The following NME7 variants were observed in gnomAD, a reference collection of about 807,000 sequenced individuals.
NME7 encodes the protein nucleoside diphosphate kinase 7.
A neutral mutation model predicts 49.1 loss-of-function variants in NME7; 41 were observed. That is an observed-to-expected ratio of 0.83 (90% CI 0.65 to 1.08). NME7 has a LOEUF of 1.08. Among genes scored for constraint, NME7 ranks in the 50% least tolerant of loss-of-function variants. NME7 has a pLI of 0.00. For synonymous variants in NME7, 139 were observed against 150.6 expected (o/e 0.92, Z 0.56); for missense variants, 423 against 463.4 (o/e 0.91, Z 0.80).
intron 10 of NME7, among the ~76,000 whole-genome samples, chr1:169,211,125 G>A (rs1455712661): frequency 2.6e-5 from 4 of 151,776 alleles, no homozygotes; most frequent in Non-Finnish European, 5.9e-5. Flanking sequence ...TGTTTTGCTT[G>A]GAAGACTGTA....
chr1:169,285,149 T>G (rs1650221786), intron 7 of NME7: 2 of 152,168 alleles, frequency 1.3e-5, no homozygotes, highest in African/African-American at 4.8e-5. Context: ...TTTCAATTTT[T>G]TTTTTGATTT....
At chr1:169,358,660 A>G (rs1045997730) in intron 1 of NME7, among the ~76,000 whole-genome samples, 30 of 152,272 alleles carry the variant, frequency 2.0e-4, no homozygotes, top group African/African-American at 7.0e-4. Context: ...TTTCATCTAT[A>G]GAACATACAG....
intron 11 of NME7, among the ~76,000 whole-genome samples, chr1:169,162,276 C>T (rs1571254775): frequency 6.6e-6 from 1 of 152,196 alleles, no homozygotes; most frequent in Non-Finnish European, 1.5e-5. Flanking sequence ...CTGATTTTCT[C>T]TGTGCAGGGG....
At chr1:169,141,763 T>TA (rs901071864) in intron 11 of NME7, among the ~76,000 whole-genome samples, 19 of 151,850 alleles carry the variant, frequency 1.3e-4, no homozygotes, top group Non-Finnish European at 4.4e-5. Context: ...CCTTTTTTTT[T>TA]ATAAGGACAG....
At chr1:169,361,536 T>C (rs1339677226) in intron 1 of NME7, among the ~76,000 whole-genome samples, 2 of 152,140 alleles carry the variant, frequency 1.3e-5, no homozygotes, top group Non-Finnish European at 2.9e-5. Flanking sequence ...TCCCAGCAGT[T>C]TGGAAGGCCG....
At chr1:169,361,060 G>C (rs1457192231) in intron 1 of NME7, among the ~76,000 whole-genome samples, 1 of 151,894 alleles carries the variant, frequency 6.6e-6, no homozygotes, top group African/African-American at 2.4e-5. Flanking sequence ...ATGAGTTAGG[G>C]GCCACTGTGT....
intron 10 of NME7, among the ~76,000 whole-genome samples, chr1:169,184,375 T>C (rs1050540432): frequency 6.6e-6 from 1 of 152,248 alleles, no homozygotes; most frequent in Non-Finnish European, 1.5e-5. Context: ...TGTCATTTGA[T>C]AGTAACTGGA....
At chr1:169,210,474 C>T (rs1244412714) in intron 10 of NME7, among the ~76,000 whole-genome samples, 8 of 152,018 alleles carry the variant, frequency 5.3e-5, no homozygotes, top group Non-Finnish European at 1.0e-4. Flanking sequence ...GTGTTGGTGC[C>T]CCGTGGGGGT....
intron 1 of NME7, among the ~76,000 whole-genome samples, chr1:169,354,500 C>T (rs566887350): frequency 6.6e-6 from 1 of 151,690 alleles, no homozygotes; most frequent in East Asian, 1.9e-4. Context: ...TTTAATTATA[C>T]ATTTTAAAAT....
At chr1:169,159,943 A>G (rs965746239) in intron 11 of NME7, among the ~76,000 whole-genome samples, 1 of 152,112 alleles carries the variant, frequency 6.6e-6, no homozygotes, top group Non-Finnish European at 1.5e-5. Flanking sequence ...CCATGATCCT[A>G]GGTGATTTCA....
intron 8 of NME7, among the ~76,000 whole-genome samples, chr1:169,237,387 T>G (rs1268098029): frequency 3.3e-5 from 5 of 152,088 alleles, no homozygotes; most frequent in South Asian, 4.1e-4. Context: ...TAAACTTACC[T>G]TATAAGCTTA....
chr1:169,317,125 A>G (rs1423918456), intron 3 of NME7, among the ~76,000 whole-genome samples: 2 of 152,222 alleles, frequency 1.3e-5, no homozygotes, highest in African/African-American at 4.8e-5. Flanking sequence ...TTAAATTGAA[A>G]AAAAACCTAT....
intron 10 of NME7, among the ~76,000 whole-genome samples, chr1:169,180,021 C>T (rs3820055): frequency 0.36 from 53,732 of 149,672 alleles, 10,301 homozygotes; most frequent in East Asian, 0.73. Context: ...ATGGGTCTAA[C>T]AAACTGATCT....
rs1339740027 is a variant in NME7 at position 169,287,270 on chromosome 1, CAA to C, written c.754+31_754+32del. ...AAAATAAACATTGCTCTCCTATTAACAAAATGTACTGAATATAGTGTATTCAA... is the reference window on the plus strand; with the variant it reads ...AAAATAAACATTGCTCTCCTATTAACAATGTACTGAATATAGTGTATTCAA... On this transcript the variant is annotated intron_variant, in intron 7 of 11. Coordinates refer to ENST00000367811, the MANE Select transcript of NME7 (RefSeq NM_013330.5). 2.1e-6 allele frequency: 3 copies of C among 1,455,234 alleles called. No individual in the cohort carries two copies. In the Admixed American group the frequency reaches 5.2e-5, roughly 25 times the overall value. The allele number at this position is 1,455,234 out of a possible 1,614,324, so 90.1% of individuals were successfully genotyped here.
intron 10 of NME7, among the ~76,000 whole-genome samples, chr1:169,195,120 A>T (rs10919090): frequency 0.37 from 56,378 of 152,126 alleles, 11,033 homozygotes; most frequent in East Asian, 0.73. Context: ...TCTTGACATT[A>T]TAAAACACAA....
At chr1:169,152,115 C>T (rs766618251) in intron 11 of NME7, among the ~76,000 whole-genome samples, 3 of 152,196 alleles carry the variant, frequency 2.0e-5, no homozygotes, top group South Asian at 4.2e-4. Context: ...GCCTAACAGG[C>T]CTGACACGAA....
chr1:169,333,018 T>G (rs1371963484), intron 1 of NME7, among the ~76,000 whole-genome samples: 4 of 152,180 alleles, frequency 2.6e-5, no homozygotes, highest in Non-Finnish European at 5.9e-5. Context: ...CTATGTTTGT[T>G]GCAGCACTGT....
chr1:169,344,150 A>G (rs918998157), intron 1 of NME7, among the ~76,000 whole-genome samples: 3 of 152,116 alleles, frequency 2.0e-5, no homozygotes, highest in Admixed American at 1.3e-4. Flanking sequence ...TTTTGGTGTC[A>G]TTGTAAGTGG....
intron 1 of NME7, among the ~76,000 whole-genome samples, chr1:169,331,625 A>C (rs1385510945): frequency 6.6e-6 from 1 of 152,202 alleles, no homozygotes; most frequent in Non-Finnish European, 1.5e-5. Context: ...GTAAAGTTGC[A>C]GGATACGAAA....
Sources: allele counts gnomAD v4.1 joint callset (sites outside exome capture counted in the v4.1 genomes callset), GRCh38; gene constraint gnomAD v4.1.1; transcripts MANE v1.5; gene names NCBI Gene and HGNC (gene_info 2026-07-23, HGNC 2026-07-21).